POLR2J2: variants seen among roughly 807,000 people sequenced by gnomAD.
POLR2J2 encodes the protein RNA polymerase II subunit J2, also known as DNA-directed RNA polymerase II subunit RPB11-b1.
In POLR2J2, 3 loss-of-function variants were observed where a neutral mutation model predicts 2.8. The ratio of observed to expected loss-of-function variants is 1.05; its 90% confidence interval spans 0.48 to 2.72. The LOEUF (loss-of-function observed/expected upper bound fraction) is 2.72, where lower values mean the gene tolerates loss of function less well. POLR2J2 is among the 30% of genes most tolerant of loss of function. The pLI is 0.04. For missense variants in POLR2J2, 9 were observed against 27.8 expected, an observed-to-expected ratio of 0.32 and a Z score of 1.52; for synonymous variants, 4 against 10.9, an observed-to-expected ratio of 0.37 and a Z score of 1.25.
rs549461272 is a variant in POLR2J2 at position 102,671,514 on chromosome 7, C to T, written c.50+38G>A. ...CACCCCAGAATGCGACAGCCGCAGG[C>T]CCGCGCACCTAGGCCCTCCGCAGCC... On this transcript the variant is annotated intron_variant, in intron 1 of 2. Coordinates refer to ENST00000358438, the Ensembl canonical transcript of POLR2J2. 2.3e-5 allele frequency: 23 copies of T among 1,012,748 alleles called. 3 individuals are homozygous for T. The South Asian group carries it at 3.1e-4, about 13-fold the overall frequency. 62.7% of individuals were successfully genotyped at this position (1,012,748 alleles called of 1,614,324 possible). A position where few individuals can be genotyped will look rare whatever the true frequency, so the allele number is the denominator to read the frequency against.
At chr7:102,667,960 C>G (rs1792051954) in intron 2 of POLR2J2, among the ~76,000 whole-genome samples, 2 of 150,322 alleles carry the variant, frequency 1.3e-5, no homozygotes, top group African/African-American at 4.9e-5. Flanking sequence ...ACTGGGCAGA[C>G]CCCACTCACA....
chr7:102,669,183 G>A (rs1409170859), intron 1 of POLR2J2, among the ~76,000 whole-genome samples, 179 bp from the exon 2 acceptor site: 1 of 8,394 alleles, frequency 1.2e-4, no homozygotes, highest in African/African-American at 2.2e-4. Flanking sequence ...TGCCCAACAT[G>A]GCAAAACCCT....
rs1165725756 is a variant in POLR2J2, at chr7:102,668,959, G to A, written c.96C>T (p.Phe32=). The change falls in exon 2 of 3, where the codon TTC becomes TTT. Residue 32 remains phenylalanine (F), a synonymous_variant. Coordinates refer to ENST00000358438, the Ensembl canonical transcript of POLR2J2. ...GTGTGTGGTCTTCTTTGTTGATGGTGAATAAGCAGGCCTTGGGTACCTTGG... is the reference window on the plus strand; with the variant it reads ...GTGTGTGGTCTTCTTTGTTGATGGTAAATAAGCAGGCCTTGGGTACCTTGG... 14 of 533,362 alleles carry A rather than the reference G, an allele frequency of 2.6e-5. 6 individuals are homozygous for A. The highest frequency in any genetic ancestry group is 3.8e-5 in the Non-Finnish European group (13 of 340,304). 33.0% of individuals were successfully genotyped at this position (533,362 alleles called of 1,614,324 possible).
chr7:102,671,324 C>T (rs1792080829), intron 1 of POLR2J2: 2 of 185,140 alleles, frequency 1.1e-5, no homozygotes, highest in African/African-American at 2.9e-5. Flanking sequence ...CCGCCACTTC[C>T]TGTGTCCGGG....
intron 2 of POLR2J2, 91 bp downstream of exon 2, chr7:102,668,824 C>T: frequency 4.1e-6 from 1 of 242,540 alleles, no homozygotes; most frequent in African/African-American, 3.4e-5. Context: ...CTTCCTGTAG[C>T]TCAGAGAGAC....
chr7:102,668,899 G>A lies in POLR2J2; in HGVS notation c.140+16C>T. On this transcript the variant is annotated intron_variant, in intron 2 of 2. Coordinates refer to ENST00000358438, the Ensembl canonical transcript of POLR2J2. ...CATTAAACATAGCCCCTGAGAGCCT[G>A]TGACGGGAAACTTACGATTTAATGA... The A allele has an allele frequency of 4.0e-6, 2 of 505,442 alleles. 1 individual carries two copies. 31.3% of individuals were successfully genotyped at this position (505,442 alleles called of 1,614,324 possible).
intron 2 of POLR2J2, among the ~76,000 whole-genome samples, chr7:102,667,839 A>C (rs1199068914): frequency 8.5e-4 from 129 of 151,432 alleles, no homozygotes; most frequent in African/African-American, 3.0e-3. Flanking sequence ...CATAGGTGGC[A>C]ACACTGAGCT....
chr7:102,669,523 C>CT (rs1182905759), intron 1 of POLR2J2, among the ~76,000 whole-genome samples: 2 of 20,250 alleles, frequency 9.9e-5, no homozygotes, highest in Non-Finnish European at 1.3e-4. Flanking sequence ...TGAATTCCTC[C>CT]TTTTTTTTTT....
At chr7:102,667,864 C>T (rs1238208650) in intron 2 of POLR2J2, among the ~76,000 whole-genome samples, 2 of 151,286 alleles carry the variant, frequency 1.3e-5, no homozygotes, top group African/African-American at 4.8e-5. Context: ...AGCAGGGGAG[C>T]AGCAGGGCCC....
exon 1 of POLR2J2, chr7:102,671,593 G>A (rs1792086728): frequency 2.0e-6 from 2 of 1,022,690 alleles, no homozygotes; most frequent in Non-Finnish European, 2.8e-6. Flanking sequence ...AGGCTGGAGG[G>A]GCGTTCATGC....
intron 2 of POLR2J2, among the ~76,000 whole-genome samples, chr7:102,667,684 C>A (rs1792044499): frequency 6.6e-6 from 1 of 152,278 alleles, no homozygotes; most frequent in African/African-American, 2.4e-5. Flanking sequence ...TGGAACTCTG[C>A]CCTCCGAGCA....
chr7:102,667,486 A>ACC (rs2133562482), intron 2 of POLR2J2, among the ~76,000 whole-genome samples: 1 of 146,178 alleles, frequency 6.8e-6, no homozygotes, highest in Non-Finnish European at 1.5e-5. Flanking sequence ...GAAGGACCCG[A>ACC]GCTGGAAAGA....
At chr7:102,667,673 A>G (rs1257754484) in intron 2 of POLR2J2, among the ~76,000 whole-genome samples, 2 of 152,212 alleles carry the variant, frequency 1.3e-5, no homozygotes, top group Non-Finnish European at 2.9e-5. Context: ...TGGAATGCAA[A>G]TGGAACTCTG....
rs1258222059 is a variant in POLR2J2 at position 102,669,214 on chromosome 7, GA to G, written c.51-211del. Among the ~76,000 whole-genome samples the G allele has an allele frequency of 3.8e-3, 19 of 4,986 alleles. No homozygotes were observed. The East Asian group carries it at 0.039, about 10-fold the overall frequency. The allele number at this position is 4,986 out of a possible 152,430, so 3.3% of individuals were successfully genotyped here. On this transcript the variant is annotated intron_variant, in intron 1 of 2. Coordinates refer to ENST00000358438, the Ensembl canonical transcript of POLR2J2. ...ACCCTGTCTGTACTAAAAATACAAA[GA>G]AAAAAAAAAAATTAGCTGAGTGTGG...
At chr7:102,669,036 C>T in intron 1 of POLR2J2, 32 bp from the exon 2 acceptor site, 1 of 288,330 alleles carries the variant, frequency 3.5e-6, no homozygotes, top group South Asian at 2.6e-5. Flanking sequence ...AGATGAGGAG[C>T]AGGGGCTCCC....
At chr7:102,668,667 C>CA (rs1281612580) in intron 2 of POLR2J2, among the ~76,000 whole-genome samples, 2 of 104,830 alleles carry the variant, frequency 1.9e-5, no homozygotes, top group Non-Finnish European at 4.1e-5. Flanking sequence ...AACAAACAAA[C>CA]AAAAAAACAG....
intron 2 of POLR2J2, among the ~76,000 whole-genome samples, chr7:102,667,643 G>T (rs1278313382): frequency 2.0e-5 from 3 of 150,184 alleles, no homozygotes; most frequent in Non-Finnish European, 4.5e-5. Flanking sequence ...AGGAGAGGAG[G>T]GCCAGCTCCC....
chr7:102,667,782 C>T (rs1792046648), intron 2 of POLR2J2, among the ~76,000 whole-genome samples: 1 of 152,286 alleles, frequency 6.6e-6, no homozygotes, highest in African/African-American at 2.4e-5. Context: ...CAGGGGTCTC[C>T]TCTAGAGCGG....
intron 2 of POLR2J2, among the ~76,000 whole-genome samples, chr7:102,667,746 G>A (rs1303104444): frequency 2.0e-4 from 30 of 152,306 alleles, no homozygotes; most frequent in South Asian, 4.1e-4. Flanking sequence ...CCATGGGGCT[G>A]CGTCGCGTAC....
Sources: gnomAD v4.1 joint callset for allele counts (sites outside exome capture counted in the v4.1 genomes callset) on GRCh38, gnomAD v4.1.1 for gene constraint, MANE v1.5 for transcripts, NCBI Gene and HGNC (gene_info 2026-07-23, HGNC 2026-07-21) for gene names.